Variants in TRIM16 observed in about 807,000 individuals in gnomAD.
The protein encoded by TRIM16 is tripartite motif-containing protein 16.
In TRIM16, 33 loss-of-function variants were observed where a neutral mutation model predicts 50.4. That is an observed-to-expected ratio of 0.65 (90% CI 0.50 to 0.88). TRIM16 has a LOEUF of 0.88. Ranked by LOEUF, TRIM16 falls within the 40% of genes least tolerant of loss-of-function variation. The pLI, the probability that TRIM16 is intolerant of heterozygous loss-of-function variation, is 0.00. For synonymous variants in TRIM16, 229 were observed against 270.7 expected (o/e 0.85, Z 1.51); for missense variants, 581 against 686.8 (o/e 0.85, Z 1.72).
intron 8 of TRIM16, among the ~76,000 whole-genome samples, chr17:15,636,793 A>G (rs1986771555): frequency 1.3e-5 from 2 of 148,944 alleles, no homozygotes; most frequent in South Asian, 4.4e-4. Flanking sequence ...GGTGCAGACG[A>G]CCATGGCACC....
intron 7 of TRIM16, 98 bp downstream of exon 7, chr17:15,650,993 A>G: frequency 6.7e-7 from 1 of 1,487,884 alleles, no homozygotes; most frequent in Non-Finnish European, 9.1e-7. Flanking sequence ...TGCTCAGAGC[A>G]TAGTAGTGGC....
chr17:15,666,708 C>T lies in TRIM16; in HGVS notation c.-338+10468G>A, dbSNP rs540809635. ...TGGCTTATTTCACTCAATAAAACAT[C>T]TATGAGATTCATCCATGTCATGGTG... On this transcript the variant is annotated intron_variant, in intron 6 of 11. Transcript: ENST00000649191. Among the ~76,000 whole-genome samples the T allele has an allele frequency of 1.7e-4, 26 of 152,342 alleles. No homozygotes were observed. The South Asian group carries it at 4.6e-3, about 27-fold the overall frequency.
At chr17:15,655,775 C>T (rs1002875547) in intron 6 of TRIM16, among the ~76,000 whole-genome samples, 48 of 152,212 alleles carry the variant, frequency 3.2e-4, no homozygotes, top group Admixed American at 2.2e-3. Flanking sequence ...GGGGTTTCAC[C>T]GTGTTAGCCA....
chr17:15,679,952 G>A lies in TRIM16; in HGVS notation c.-590+913C>T, dbSNP rs113809099. 2.4e-4 allele frequency among the ~76,000 whole-genome samples: 33 copies of A among 138,760 alleles called. No individual in the cohort carries two copies. The East Asian group carries it at 4.0e-3, about 17-fold the overall frequency. The allele number at this position is 138,760 out of a possible 152,430, so 91.0% of individuals were successfully genotyped here. ...ACTATGTCTCAAAAAAAAAAAAAAA[G>A]AAAAAAAGAAATAAGCCAAGCTTGA... On this transcript the variant is annotated intron_variant, in intron 4 of 11. Coordinates refer to ENST00000649191, the MANE Select transcript of TRIM16 (RefSeq NM_001348119.1).
At chr17:15,677,859 T>A in intron 4 of TRIM16, 138 bp from the exon 5 acceptor site, 1 of 684,032 alleles carries the variant, frequency 1.5e-6, no homozygotes, top group Non-Finnish European at 1.8e-6. Context: ...TTAAAATGTG[T>A]ATACCCCTCT....
At chr17:15,652,455 CTT>C (rs34158100) in intron 6 of TRIM16, among the ~76,000 whole-genome samples, 4 of 65,394 alleles carry the variant, frequency 6.1e-5, no homozygotes, top group African/African-American at 1.8e-4. Context: ...CGGTGCCCAC[CTT>C]TTTTTTTTTT....
Position 15,651,676 on chromosome 17 carries a change from C to G in TRIM16, c.-67G>C. 4 of 1,566,874 alleles carry G rather than the reference C, an allele frequency of 2.6e-6. No homozygotes were observed. The highest frequency in any genetic ancestry group is 3.5e-6 in the Non-Finnish European group (4 of 1,158,242). On this transcript the variant is annotated 5_prime_UTR_variant, in exon 7 of 12. It removes the in-frame stop codon of an upstream open reading frame in the 5' UTR. Coordinates refer to ENST00000649191, the MANE Select transcript of TRIM16 (RefSeq NM_001348119.1). ...GGCCCAGGATCTGTGCAGCCCAAGTCAGACAAGAGAACCACGCCTAGATGA... is the reference window on the plus strand; with the variant it reads ...GGCCCAGGATCTGTGCAGCCCAAGTGAGACAAGAGAACCACGCCTAGATGA...
rs541180083 is a variant in TRIM16 at position 15,629,151 on chromosome 17, G to A, written c.1159C>T (p.Arg387Trp). Reference protein sequence around the residue: ...FDPDTAHKYLRLQEENRKVTN... With the variant: ...FDPDTAHKYLWLQEENRKVTN... ...ACCTTGCGGTTCTCCTCCTGCAGCC[G>A]GAGATACTTGTGTGCTGTGTCCGGG... Residue 387 changes from arginine (R) to tryptophan (W), a missense_variant, in exon 12 of 12, where the codon CGG becomes TGG. Physicochemically the swap from Arg to Trp is moderately radical, Grantham distance 101 (BLOSUM62 -3). This residue lies in a region of TRIM16 where 450 missense variants were observed against 544.3 expected (regional missense o/e 0.83). Transcript: ENST00000649191. The A allele has an allele frequency of 1.1e-5, 18 of 1,612,406 alleles. No homozygotes were observed. The highest frequency in any genetic ancestry group is 1.4e-5 in the Non-Finnish European group (16 of 1,178,964).
At chr17:15,666,335 G>A (rs947464903) in intron 6 of TRIM16, among the ~76,000 whole-genome samples, 5 of 152,052 alleles carry the variant, frequency 3.3e-5, no homozygotes, top group Non-Finnish European at 7.4e-5. Context: ...TTTTGCCTTG[G>A]CCTCCCAAAG....
intron 6 of TRIM16, among the ~76,000 whole-genome samples, chr17:15,672,337 C>A (rs1328570465): frequency 4.0e-5 from 6 of 149,366 alleles, no homozygotes; most frequent in African/African-American, 1.5e-4. Flanking sequence ...CAAACAAACA[C>A]ACTGAGCTTT....
chr17:15,636,949 T>C (rs1986781103), intron 8 of TRIM16, among the ~76,000 whole-genome samples: 1 of 149,774 alleles, frequency 6.7e-6, no homozygotes, highest in African/African-American at 2.5e-5. Context: ...GCATCCTCTA[T>C]GAATGCCTTC....
intron 7 of TRIM16, among the ~76,000 whole-genome samples, chr17:15,643,822 G>A (rs1987225591): frequency 2.0e-5 from 3 of 152,360 alleles, no homozygotes; most frequent in Admixed American, 2.0e-4. Context: ...GTGTAGGGTT[G>A]GAGCCAGATG....
At position 15,632,826 on chromosome 17, in the gene TRIM16, G is replaced by T. The variant is rs117721046; in HGVS notation, c.850-152C>A. 244 of 1,106,168 alleles carry T rather than the reference G, an allele frequency of 2.2e-4. 1 individual carries two copies. The East Asian group carries it at 6.3e-3, about 29-fold the overall frequency. The allele number at this position is 1,106,168 out of a possible 1,614,324, so 68.5% of individuals were successfully genotyped here. ...GTACATGTGAAGTGTCAAGCTCAGG[G>T]TCTAACAAAATAGAAAGCACTTCTC... is the stretch of plus-strand genomic sequence containing the variant. On this transcript the variant is annotated intron_variant, in intron 9 of 11. Transcript: ENST00000649191.
intron 8 of TRIM16, 82 bp downstream of exon 8, chr17:15,642,639 A>G (rs1221549830): frequency 9.6e-6 from 8 of 835,022 alleles, no homozygotes; most frequent in Non-Finnish European, 1.3e-5. Context: ...AGAAACCCCA[A>G]GGAACCTACA....
chr17:15,655,583 T>A (rs1987936167), intron 6 of TRIM16, among the ~76,000 whole-genome samples: 1 of 152,052 alleles, frequency 6.6e-6, no homozygotes, highest in Admixed American at 6.6e-5. Context: ...CTCTCTCTTT[T>A]TTTTTTTTTG....
Position 15,651,836 on chromosome 17 carries a change from C to A in TRIM16, c.-227G>T. On this transcript the variant is annotated 5_prime_UTR_variant, in exon 7 of 12. Coordinates refer to ENST00000649191, the MANE Select transcript of TRIM16 (RefSeq NM_001348119.1). ...GCTAGAGTACTCAGGCTCAGGACAG[C>A]CGGCTCAGGCTCAGGCTGCCTCCCC... 3.5e-6 allele frequency: 5 copies of A among 1,429,888 alleles called. No individual in the cohort carries two copies. The South Asian group carries it at 4.5e-5, about 13-fold the overall frequency. The allele number at this position is 1,429,888 out of a possible 1,614,324, so 88.6% of individuals were successfully genotyped here.
intron 6 of TRIM16, among the ~76,000 whole-genome samples, chr17:15,667,289 G>A (rs1411063381): frequency 6.6e-6 from 1 of 152,024 alleles, no homozygotes; most frequent in East Asian, 1.9e-4. Context: ...TCAAAGCAGT[G>A]GCACCAAACT....
chr17:15,664,518 G>A (rs887207999), intron 6 of TRIM16, among the ~76,000 whole-genome samples: 3 of 152,114 alleles, frequency 2.0e-5, no homozygotes, highest in Admixed American at 1.3e-4. Context: ...ACAAAGGTGG[G>A]CAAAACACTG....
At chr17:15,646,389 C>T (rs865939786) in intron 7 of TRIM16, among the ~76,000 whole-genome samples, 4 of 140,748 alleles carry the variant, frequency 2.8e-5, no homozygotes, top group Admixed American at 7.1e-5. Flanking sequence ...TGCCCAGAAG[C>T]GGGACTGTGG....
Sources: allele counts gnomAD v4.1 joint callset (sites outside exome capture counted in the v4.1 genomes callset), GRCh38; gene constraint gnomAD v4.1.1; regional missense constraint gnomAD v4.1.1; transcripts MANE v1.5; gene names NCBI Gene and HGNC (gene_info 2026-07-23, HGNC 2026-07-21).